The following GRID2 variants were observed in gnomAD, a reference collection of about 807,000 sequenced individuals.
The protein encoded by GRID2 is glutamate ionotropic receptor delta type subunit 2, also known as glutamate receptor ionotropic, delta-2.
In GRID2, 33 loss-of-function variants were observed where a neutral mutation model predicts 114.8. That is an observed-to-expected ratio of 0.29 (90% CI 0.22 to 0.38). The LOEUF (loss-of-function observed/expected upper bound fraction) is 0.38. Ranked by LOEUF, GRID2 falls within the 10% of genes least tolerant of loss-of-function variation. The probability of loss-of-function intolerance (pLI) is 1.00; values close to 1 mark genes in which losing one functional copy is unlikely to be tolerated. For missense variants in GRID2, 1,184 were observed against 1,257.7 expected (o/e 0.94, Z 0.89); for synonymous variants, 505 against 449.9 (o/e 1.12, Z -1.55).
At chr4:92,838,019 A>G (rs1263249248) in intron 2 of GRID2, among the ~76,000 whole-genome samples, 1 of 152,108 alleles carries the variant, frequency 6.6e-6, no homozygotes, top group Non-Finnish European at 1.5e-5. Flanking sequence ...GAGATCAGCA[A>G]TTATGAACCT....
intron 1 of GRID2, among the ~76,000 whole-genome samples, chr4:92,579,941 AATAT>A (rs899419341): frequency 1.4e-5 from 2 of 147,282 alleles, no homozygotes; most frequent in Non-Finnish European, 3.0e-5. Flanking sequence ...ATATGTATAT[AATAT>A]ATATATTTTA....
intron 1 of GRID2, among the ~76,000 whole-genome samples, chr4:92,497,974 T>C (rs1723477631): frequency 6.6e-6 from 1 of 151,850 alleles, no homozygotes; most frequent in South Asian, 2.1e-4. Flanking sequence ...ATTCACTATG[T>C]ACTAAAATTT....
chr4:93,545,251 A>G (rs901570842), intron 13 of GRID2, among the ~76,000 whole-genome samples: 21 of 152,348 alleles, frequency 1.4e-4, no homozygotes, highest in African/African-American at 4.6e-4. Context: ...AGAAGGAAAT[A>G]GAAATTTTAA....
At chr4:93,362,362 C>G (rs1400343586) in intron 8 of GRID2, among the ~76,000 whole-genome samples, 1 of 151,896 alleles carries the variant, frequency 6.6e-6, no homozygotes, top group Non-Finnish European at 1.5e-5. Flanking sequence ...CTTAGGCAGG[C>G]AGTGTGTCCC....
intron 1 of GRID2, among the ~76,000 whole-genome samples, chr4:92,407,295 A>T (rs1024338458): frequency 6.6e-6 from 1 of 152,016 alleles, no homozygotes. Context: ...ATATTCCATG[A>T]TGTATATGTA....
intron 2 of GRID2, among the ~76,000 whole-genome samples, chr4:92,593,192 T>A (rs1728786455): frequency 6.6e-6 from 1 of 152,042 alleles, no homozygotes; most frequent in African/African-American, 2.4e-5. Flanking sequence ...AGTCTCATCC[T>A]TGAACAAATA....
intron 4 of GRID2, among the ~76,000 whole-genome samples, chr4:93,166,319 A>G (rs1738244284): frequency 6.6e-6 from 1 of 152,122 alleles, no homozygotes; most frequent in African/African-American, 2.4e-5. Flanking sequence ...GGGTAGAAGG[A>G]GTTATAGCCA....
intron 1 of GRID2, among the ~76,000 whole-genome samples, chr4:92,537,072 A>C (rs577121718): frequency 6.6e-6 from 1 of 152,210 alleles, no homozygotes; most frequent in Admixed American, 6.5e-5. Context: ...ACCAAGCATG[A>C]ATTTACACTC....
chr4:93,280,056 G>A (rs1300667240), intron 8 of GRID2, among the ~76,000 whole-genome samples: 2 of 151,866 alleles, frequency 1.3e-5, no homozygotes, highest in African/African-American at 4.8e-5. Flanking sequence ...AGAAGTACAA[G>A]CAAAAAATGG....
At chr4:93,676,571 A>G (rs769401322) in intron 14 of GRID2, among the ~76,000 whole-genome samples, 2 of 152,182 alleles carry the variant, frequency 1.3e-5, no homozygotes, top group East Asian at 3.8e-4. Context: ...GTTACAAATT[A>G]TGGGATTGTG....
chr4:92,469,718 C>G (rs563582178), intron 1 of GRID2, among the ~76,000 whole-genome samples: 2 of 151,000 alleles, frequency 1.3e-5, no homozygotes, highest in East Asian at 3.9e-4. Flanking sequence ...AACAAAAAAG[C>G]CACAACAAAA....
chr4:92,467,174 T>C (rs927763392), intron 1 of GRID2, among the ~76,000 whole-genome samples: 2 of 151,918 alleles, frequency 1.3e-5, no homozygotes, highest in African/African-American at 4.8e-5. Flanking sequence ...AAGTTTTCAA[T>C]TTTTCAAATG....
chr4:92,658,097 A>T (rs1438701884), intron 2 of GRID2, among the ~76,000 whole-genome samples: 1 of 151,812 alleles, frequency 6.6e-6, no homozygotes, highest in African/African-American at 2.4e-5. Context: ...CCTTATAAGT[A>T]AGAAATATTA....
chr4:93,220,708 C>A (rs1315769973), intron 6 of GRID2, among the ~76,000 whole-genome samples: 2 of 152,034 alleles, frequency 1.3e-5, no homozygotes, highest in African/African-American at 4.8e-5. Flanking sequence ...TTCTTTTGTC[C>A]AGAGTTTGAG....
intron 1 of GRID2, among the ~76,000 whole-genome samples, chr4:92,557,683 A>G (rs1726923969): frequency 6.7e-6 from 1 of 149,638 alleles, no homozygotes; most frequent in Non-Finnish European, 1.5e-5. Context: ...GATTTCATAT[A>G]CTTCTAGTGA....
intron 2 of GRID2, among the ~76,000 whole-genome samples, chr4:92,693,150 T>A (rs1437460270): frequency 6.6e-6 from 1 of 152,038 alleles, no homozygotes; most frequent in Non-Finnish European, 1.5e-5. Flanking sequence ...TCCCCCTTTA[T>A]GCTTATATAA....
chr4:93,084,706 T>A (rs554745595), intron 2 of GRID2, among the ~76,000 whole-genome samples: 1 of 152,314 alleles, frequency 6.6e-6, no homozygotes, highest in South Asian at 2.1e-4. Context: ...CTCTAATCCT[T>A]GCAATAATCC....
intron 1 of GRID2, among the ~76,000 whole-genome samples, chr4:92,589,166 A>C (rs768672192): frequency 6.6e-6 from 1 of 152,182 alleles, no homozygotes; most frequent in Non-Finnish European, 1.5e-5. Context: ...CCAGCTCCAC[A>C]CTGGCTTTAT....
chr4:92,422,084 G>A (rs1731936669), intron 1 of GRID2, among the ~76,000 whole-genome samples: 1 of 152,114 alleles, frequency 6.6e-6, no homozygotes. Context: ...TTTGAGTAAG[G>A]TGGATGAGGA....
Sources: allele counts gnomAD v4.1 joint callset (sites outside exome capture counted in the v4.1 genomes callset), GRCh38; gene constraint gnomAD v4.1.1; transcripts MANE v1.5; gene names NCBI Gene and HGNC (gene_info 2026-07-23, HGNC 2026-07-21).